PKIA: variants seen among roughly 807,000 people sequenced by gnomAD.
PKIA encodes the protein cAMP-dependent protein kinase inhibitor alpha.
A neutral mutation model predicts 7.6 loss-of-function variants in PKIA; 4 were observed. The observed-to-expected ratio is 0.52, with a 90% CI of 0.26 to 1.20. The LOEUF is 1.20. Among genes scored for constraint, PKIA ranks in the 50% most tolerant of loss-of-function variants. PKIA has a pLI of 0.13. For synonymous variants in PKIA, 21 were observed against 30.7 expected, an observed-to-expected ratio of 0.68 and a Z score of 1.04; for missense variants, 73 against 86.2, an observed-to-expected ratio of 0.85 and a Z score of 0.61.
At chr8:78,584,450 G>A (rs1449802288) in intron 2 of PKIA, among the ~76,000 whole-genome samples, 1 of 152,020 alleles carries the variant, frequency 6.6e-6, no homozygotes, top group Non-Finnish European at 1.5e-5. Flanking sequence ...TATTATATGT[G>A]TTTATAGAGT....
At position 78,524,784 on chromosome 8, in the gene PKIA, T is replaced by C. The variant is rs570955353; in HGVS notation, c.-157+8316T>C. ...GCTTATCAGCATCATATACTAAGCA[T>C]TCAATAAACGTAAATTGTTATTTCA... On this transcript the variant is annotated intron_variant, in intron 1 of 3. Transcript: ENST00000396418. Among the ~76,000 whole-genome samples the C allele has an allele frequency of 2.0e-5, 3 of 152,090 alleles. No individual in the cohort carries two copies. The East Asian group carries it at 5.8e-4, about 29-fold the overall frequency.
chr8:78,535,186 T>A (rs1806491392), intron 1 of PKIA: 2 of 152,136 alleles, frequency 1.3e-5, no homozygotes, highest in African/African-American at 4.8e-5. Context: ...GACTGGAGAA[T>A]GGGAGAACTG....
intron 1 of PKIA, among the ~76,000 whole-genome samples, chr8:78,567,971 A>G (rs938245962): frequency 6.6e-6 from 1 of 152,018 alleles, no homozygotes; most frequent in African/African-American, 2.4e-5. Context: ...TCCATCTTTT[A>G]TATTTCTTGC....
At chr8:78,600,466 C>T (rs1221569119) in intron 3 of PKIA, among the ~76,000 whole-genome samples, 2 of 152,088 alleles carry the variant, frequency 1.3e-5, no homozygotes, top group East Asian at 3.9e-4. Context: ...TCCCAAGCCC[C>T]ATGGGAGTCA....
chr8:78,518,917 GAA>G (rs2118305863), intron 1 of PKIA, among the ~76,000 whole-genome samples: 1 of 152,282 alleles, frequency 6.6e-6, no homozygotes, highest in South Asian at 2.1e-4. Context: ...CAAGTTTGAG[GAA>G]AGTTTCTAAA....
intron 1 of PKIA, among the ~76,000 whole-genome samples, chr8:78,548,978 T>C (rs1318277891): frequency 6.6e-6 from 1 of 152,094 alleles, no homozygotes; most frequent in Non-Finnish European, 1.5e-5. Flanking sequence ...TCCATTATAT[T>C]TGAAAAAGGT....
At chr8:78,597,394 G>A (rs1585932410) in intron 2 of PKIA, among the ~76,000 whole-genome samples, 1 of 152,266 alleles carries the variant, frequency 6.6e-6, no homozygotes, top group Non-Finnish European at 1.5e-5. Flanking sequence ...GACTTATCAA[G>A]GGGAACGTGG....
intron 2 of PKIA, among the ~76,000 whole-genome samples, chr8:78,584,798 G>C (rs761904848): frequency 8.6e-4 from 131 of 152,076 alleles, no homozygotes; most frequent in Non-Finnish European, 1.6e-3. Flanking sequence ...TAAATCTCGA[G>C]TAGTTAATAT....
At chr8:78,555,943 T>C (rs1807122844) in intron 1 of PKIA, among the ~76,000 whole-genome samples, 1 of 152,010 alleles carries the variant, frequency 6.6e-6, no homozygotes, top group African/African-American at 2.4e-5. Flanking sequence ...CACTGGTGGG[T>C]AAAGGGGTTT....
intron 2 of PKIA, among the ~76,000 whole-genome samples, chr8:78,596,748 T>G (rs1366530734): frequency 2.0e-5 from 3 of 152,226 alleles, no homozygotes; most frequent in Non-Finnish European, 2.9e-5. Flanking sequence ...TGCAAGGGCC[T>G]ATGTCCAGAA....
intron 1 of PKIA, among the ~76,000 whole-genome samples, chr8:78,553,031 T>C (rs1807024706): frequency 6.6e-6 from 1 of 151,744 alleles, no homozygotes; most frequent in African/African-American, 2.4e-5. Context: ...CTTTTATTTT[T>C]TAAATTTGAA....
intron 1 of PKIA, among the ~76,000 whole-genome samples, chr8:78,559,884 A>G (rs946469868): frequency 1.3e-5 from 2 of 152,234 alleles, no homozygotes; most frequent in Admixed American, 1.3e-4. Flanking sequence ...TTTTGGTGAT[A>G]TCCTAGTCCC....
At chr8:78,588,177 A>G (rs1335801003) in intron 2 of PKIA, among the ~76,000 whole-genome samples, 1 of 151,956 alleles carries the variant, frequency 6.6e-6, no homozygotes, top group East Asian at 1.9e-4. Flanking sequence ...GACTGGAAAG[A>G]TAAGAACTGG....
intron 1 of PKIA, among the ~76,000 whole-genome samples, chr8:78,554,767 A>G (rs541559023): frequency 1.3e-5 from 2 of 152,244 alleles, no homozygotes; most frequent in South Asian, 4.1e-4. Context: ...TAGATTATGC[A>G]ATACATAAAG....
At chr8:78,569,059 G>A (rs1807488031) in intron 1 of PKIA, among the ~76,000 whole-genome samples, 1 of 152,056 alleles carries the variant, frequency 6.6e-6, no homozygotes, top group African/African-American at 2.4e-5. Flanking sequence ...CCTGCACACA[G>A]CCATGGGGTC....
chr8:78,568,786 G>T (rs1333363620), intron 1 of PKIA, among the ~76,000 whole-genome samples: 1 of 152,128 alleles, frequency 6.6e-6, no homozygotes, highest in Non-Finnish European at 1.5e-5. Context: ...CTTTCTGGCA[G>T]TATGTACACC....
At chr8:78,600,841 T>TTATGGTCCAAAGACCA (rs1808334490) in intron 3 of PKIA, among the ~76,000 whole-genome samples, 1 of 152,100 alleles carries the variant, frequency 6.6e-6, no homozygotes, top group African/African-American at 2.4e-5. Flanking sequence ...CCTTATAACA[T>TTATGGTCCAAAGACCA]TATGGTCCAA....
chr8:78,597,584 AC>A (rs1220372021), intron 2 of PKIA, among the ~76,000 whole-genome samples: 1 of 151,620 alleles, frequency 6.6e-6, no homozygotes, highest in East Asian at 1.9e-4. Context: ...TTTACTTAGC[AC>A]CCCCCACCTG....
intron 1 of PKIA, among the ~76,000 whole-genome samples, chr8:78,545,530 A>G (rs1190323269): frequency 1.3e-5 from 2 of 152,214 alleles, no homozygotes; most frequent in African/African-American, 2.4e-5. Context: ...AGAACTTAGA[A>G]TCCCTAGTGT....
Sources: gnomAD v4.1 joint callset for allele counts (sites outside exome capture counted in the v4.1 genomes callset) on GRCh38, gnomAD v4.1.1 for gene constraint, MANE v1.5 for transcripts, NCBI Gene and HGNC (gene_info 2026-07-23, HGNC 2026-07-21) for gene names.